KLF7: variants seen among roughly 807,000 people sequenced by gnomAD.
KLF7 encodes the protein KLF transcription factor 7, also known as Krueppel-like factor 7.
In KLF7, 2 loss-of-function variants were observed where a neutral mutation model predicts 27.3. The observed-to-expected ratio is 0.07, with a 90% confidence interval of 0.03 to 0.23. KLF7 has a LOEUF of 0.23. KLF7 is among the 10% of genes least tolerant of loss of function. KLF7 has a pLI of 1.00. For missense variants in KLF7, 221 were observed against 394.1 expected (o/e 0.56, Z 3.72); for synonymous variants, 165 against 162.4 (o/e 1.02, Z -0.12).
chr2:207,111,912 G>A (rs974191788), intron 2 of KLF7, among the ~76,000 whole-genome samples: 1 of 152,020 alleles, frequency 6.6e-6, no homozygotes, highest in Non-Finnish European at 1.5e-5. Context: ...CCAATCAACC[G>A]GTGAAGAGGG....
intron 1 of KLF7, among the ~76,000 whole-genome samples, chr2:207,131,624 A>ATTTT (rs2077638885): frequency 6.6e-6 from 1 of 152,224 alleles, no homozygotes; most frequent in Non-Finnish European, 1.5e-5. Context: ...GACTCCAGAA[A>ATTTT]CCAACTTGAA....
rs1418973728 is a variant in KLF7 at position 207,124,211 on chromosome 2, A to C, written c.296T>G (p.Leu99Arg). ...CEKSSAVDILLSRDKLLSETC... is the reference protein window; with the variant it reads ...CEKSSAVDILRSRDKLLSETC... ...CTCAGATAGCAACTTGTCCCGAGAG[A>C]GCAAGATGTCCACTGCCGAGCTCTT... The change falls in exon 2 of 4, where the codon CTC (leucine) becomes CGC (arginine). Residue 99 changes from leucine (L) to arginine (R), a missense_variant. Transcript: ENST00000309446. The C allele has an allele frequency of 1.2e-6, 2 of 1,614,010 alleles. No homozygotes were observed.
upstream of KLF7, chr2:207,166,255 G>A: frequency 1.1e-6 from 1 of 909,184 alleles, no homozygotes; most frequent in Non-Finnish European, 1.3e-6. Context: ...AGCAGAGCCT[G>A]GGGCGGGGCT....
Position 207,077,376 on chromosome 2 carries a change from T to TA in KLF7, c.*3836dup, listed in dbSNP as rs1444719968. 6.6e-6 allele frequency: 1 copy of TA among 152,184 alleles called. No individual in the cohort carries two copies. Among genetic ancestry groups the TA allele is most frequent in the Non-Finnish European group, 1.5e-5 (1 of 68,020 alleles). 9.4% of individuals were successfully genotyped at this position (152,184 alleles called of 1,614,324 possible). A position where few individuals can be genotyped will look rare whatever the true frequency, so the allele number is the denominator to read the frequency against. ...TTCTCTGAAGCCAGAGAAGATTTTT[T>TA]AAAACTAGGATTCAGTTCTGCTAAT... On this transcript the variant is annotated 3_prime_UTR_variant, in exon 4 of 4. Coordinates refer to ENST00000309446, the MANE Select transcript of KLF7 (RefSeq NM_003709.4).
chr2:207,134,154 ATTT>A (rs35538720), intron 1 of KLF7: 1,174 of 1,140,336 alleles, frequency 1.0e-3, no homozygotes, highest in African/African-American at 2.2e-3. Flanking sequence ...GGCTACTGGG[ATTT>A]TTTTTTTTTT....
chr2:207,139,949 C>T (rs952398955), intron 1 of KLF7, among the ~76,000 whole-genome samples: 26 of 152,090 alleles, frequency 1.7e-4, no homozygotes, highest in African/African-American at 5.1e-4. Context: ...AGTGCAGTGG[C>T]GCAATCTCAG....
At chr2:207,125,234 C>T (rs979083298) in intron 1 of KLF7, among the ~76,000 whole-genome samples, 1 of 152,042 alleles carries the variant, frequency 6.6e-6, no homozygotes, top group Non-Finnish European at 1.5e-5. Context: ...GGGAGAAGAA[C>T]AAAAAAGTTT....
intron 2 of KLF7, among the ~76,000 whole-genome samples, chr2:207,108,272 C>T (rs1178429744): frequency 6.6e-6 from 1 of 152,188 alleles, no homozygotes; most frequent in Non-Finnish European, 1.5e-5. Flanking sequence ...GATTTGAAAG[C>T]ATTCTAAATG....
chr2:207,145,911 T>A (rs935351857), intron 1 of KLF7, among the ~76,000 whole-genome samples: 12 of 152,124 alleles, frequency 7.9e-5, no homozygotes, highest in African/African-American at 2.9e-4. Context: ...GTGAATGAAC[T>A]AAAGAAAGAG....
chr2:207,153,939 T>C (rs560114370), intron 1 of KLF7, among the ~76,000 whole-genome samples: 1 of 152,330 alleles, frequency 6.6e-6, no homozygotes, highest in Admixed American at 6.5e-5. Context: ...CCATAGGTGC[T>C]AGGCTAAACC....
At chr2:207,102,125 TTCACACACACAC>T (rs1370807159) in intron 2 of KLF7, among the ~76,000 whole-genome samples, 6 of 121,228 alleles carry the variant, frequency 4.9e-5, no homozygotes, top group African/African-American at 9.1e-5. Context: ...TACATTCACA[TTCACACACACAC>T]ACACACACAC....
chr2:207,113,162 G>C (rs1224270939), intron 2 of KLF7, among the ~76,000 whole-genome samples: 2 of 152,180 alleles, frequency 1.3e-5, no homozygotes, highest in Non-Finnish European at 2.9e-5. Flanking sequence ...TGTTAAAGAT[G>C]CTGTCTTGTT....
chr2:207,167,434 C>G (rs929903920), upstream of KLF7, among the ~76,000 whole-genome samples: 7 of 152,160 alleles, frequency 4.6e-5, no homozygotes, highest in Non-Finnish European at 1.0e-4. Context: ...AACGCTTCAC[C>G]TTAATCACCC....
intron 2 of KLF7, among the ~76,000 whole-genome samples, chr2:207,107,736 G>A (rs34697559): frequency 0.23 from 34,887 of 151,950 alleles, 4,726 homozygotes; most frequent in Middle Eastern, 0.31. Flanking sequence ...TTTGTGCTGC[G>A]GTGGGCAAGG....
chr2:207,139,174 C>G (rs1003146012), intron 1 of KLF7, among the ~76,000 whole-genome samples: 5 of 152,196 alleles, frequency 3.3e-5, no homozygotes, highest in African/African-American at 1.2e-4. Flanking sequence ...AGGAGCAAAG[C>G]TGTAACAGCT....
intron 2 of KLF7, among the ~76,000 whole-genome samples, chr2:207,095,461 C>T (rs2076608033): frequency 6.6e-6 from 1 of 152,146 alleles, no homozygotes; most frequent in Non-Finnish European, 1.5e-5. Flanking sequence ...AAACCATATC[C>T]TCAATGAGGT....
At chr2:207,150,689 T>C (rs1264844442) in intron 1 of KLF7, among the ~76,000 whole-genome samples, 1 of 152,246 alleles carries the variant, frequency 6.6e-6, no homozygotes, top group Non-Finnish European at 1.5e-5. Flanking sequence ...CCAGGTTTTC[T>C]GATGCCAAAT....
rs2076191042 is a variant in KLF7, at chr2:207,077,249, G to A, written c.*3964C>T. ...AAAGGCAAGAGGCAATGTTCCGAATGCACTGGAAGAGCCATCCAAAAGCCC... is the reference window on the plus strand; with the variant it reads ...AAAGGCAAGAGGCAATGTTCCGAATACACTGGAAGAGCCATCCAAAAGCCC... On this transcript the variant is annotated 3_prime_UTR_variant, in exon 4 of 4. Transcript: ENST00000309446. The A allele has an allele frequency of 6.6e-6, 1 of 152,340 alleles. No individual in the cohort carries two copies. The highest frequency in any genetic ancestry group is 1.9e-4 in the East Asian group (1 of 5,182). 9.4% of individuals were successfully genotyped at this position (152,340 alleles called of 1,614,324 possible). A position where few individuals can be genotyped will look rare whatever the true frequency, so the allele number is the denominator to read the frequency against.
intron 1 of KLF7, among the ~76,000 whole-genome samples, chr2:207,161,167 CTAAG>C (rs1304935091): frequency 6.6e-6 from 1 of 152,144 alleles, no homozygotes; most frequent in East Asian, 1.9e-4. Context: ...CTATTAAAGG[CTAAG>C]TGTGTGATTG....
Sources: gnomAD v4.1 joint callset for allele counts (sites outside exome capture counted in the v4.1 genomes callset) on GRCh38, gnomAD v4.1.1 for gene constraint, MANE v1.5 for transcripts, NCBI Gene and HGNC (gene_info 2026-07-23, HGNC 2026-07-21) for gene names.